Variants in ZNF704 observed in about 807,000 individuals in gnomAD.
ZNF704 encodes glucocorticoid induced gene 1.
Under a neutral mutation model 44.7 loss-of-function variants are expected in ZNF704, and 10 were observed. The observed-to-expected ratio is 0.22, with a 90% CI of 0.14 to 0.38. ZNF704 has a LOEUF of 0.38. ZNF704 is among the 10% of genes least tolerant of loss of function. The pLI is 1.00. For synonymous variants in ZNF704, 211 were observed against 207.6 expected, an observed-to-expected ratio of 1.02 and a Z score of -0.14; for missense variants, 390 against 545.5, an observed-to-expected ratio of 0.71 and a Z score of 2.84.
chr8:80,666,741 T>C (rs1474818297), intron 5 of ZNF704, among the ~76,000 whole-genome samples: 1 of 150,914 alleles, frequency 6.6e-6, no homozygotes. Context: ...TTTCATGTGT[T>C]TTTTGGCTGC....
chr8:80,727,941 G>A (rs75258853), intron 2 of ZNF704, among the ~76,000 whole-genome samples: 4,331 of 152,212 alleles, frequency 0.028, 198 homozygotes, highest in African/African-American at 0.098. Context: ...GTCACTGATT[G>A]CTGCACTTAC....
chr8:80,769,167 GCA>G (rs1263060075), intron 2 of ZNF704, among the ~76,000 whole-genome samples: 1 of 152,144 alleles, frequency 6.6e-6, no homozygotes, highest in East Asian at 1.9e-4. Flanking sequence ...TAGGAAAACT[GCA>G]CTAGTTCTTG....
chr8:80,813,148 C>T (rs1432373354), intron 2 of ZNF704, among the ~76,000 whole-genome samples: 2 of 152,152 alleles, frequency 1.3e-5, no homozygotes, highest in African/African-American at 2.4e-5. Context: ...ACAGTGCTAC[C>T]GGTCCACCTG....
intron 2 of ZNF704, among the ~76,000 whole-genome samples, chr8:80,752,807 C>T (rs537708656): frequency 1.3e-5 from 2 of 152,304 alleles, no homozygotes; most frequent in South Asian, 4.2e-4. Flanking sequence ...TCCCAAAGTG[C>T]TGGGATTACA....
chr8:80,745,840 A>G (rs1806834691), intron 2 of ZNF704, among the ~76,000 whole-genome samples: 1 of 152,186 alleles, frequency 6.6e-6, no homozygotes, highest in Non-Finnish European at 1.5e-5. Flanking sequence ...AGAACCAAGC[A>G]GACTCTAAAG....
intron 2 of ZNF704, among the ~76,000 whole-genome samples, chr8:80,709,165 C>G (rs1280986998): frequency 6.6e-6 from 1 of 151,984 alleles, no homozygotes; most frequent in Non-Finnish European, 1.5e-5. Context: ...AAAGTTCAGG[C>G]CAGGTGTGGA....
intron 2 of ZNF704, among the ~76,000 whole-genome samples, chr8:80,744,592 C>G (rs1482256563): frequency 6.6e-6 from 1 of 152,190 alleles, no homozygotes; most frequent in African/African-American, 2.4e-5. Context: ...TTGTCATAAT[C>G]TAATCTGGCT....
chr8:80,658,018 C>T (rs1184521362), intron 7 of ZNF704, among the ~76,000 whole-genome samples: 3 of 152,078 alleles, frequency 2.0e-5, no homozygotes, highest in Non-Finnish European at 4.4e-5. Context: ...GTGTGTAAGA[C>T]ACATAAGAAC....
chr8:80,781,639 C>T (rs1269958981), intron 2 of ZNF704, among the ~76,000 whole-genome samples: 2 of 152,118 alleles, frequency 1.3e-5, no homozygotes, highest in Non-Finnish European at 2.9e-5. Context: ...ACGAACCAGC[C>T]GGAGAGAAAG....
chr8:80,641,361 G>C lies in ZNF704; in HGVS notation c.*5C>G, dbSNP rs1563500610. ...GGGCCCTGAGCCCCTCTGCCTGGGG[G>C]TCTCTCAGTCGAGGAACCTCTGGCA... On this transcript the variant is annotated 3_prime_UTR_variant, in exon 9 of 9. Coordinates refer to ENST00000327835, the MANE Select transcript of ZNF704 (RefSeq NM_001033723.3). The C allele has an allele frequency of 5.0e-6, 8 of 1,606,410 alleles. 1 individual carries two copies. The Admixed American group carries it at 5.0e-5, about 10-fold the overall frequency.
At chr8:80,720,069 C>T (rs1207665355) in intron 2 of ZNF704, among the ~76,000 whole-genome samples, 1 of 152,196 alleles carries the variant, frequency 6.6e-6, no homozygotes, top group East Asian at 1.9e-4. Context: ...GATTTAAATT[C>T]GAGTCTGTCT....
chr8:80,722,307 T>C (rs1806385120), intron 2 of ZNF704, among the ~76,000 whole-genome samples: 1 of 152,224 alleles, frequency 6.6e-6, no homozygotes, highest in Non-Finnish European at 1.5e-5. Flanking sequence ...TTTGTTTCTC[T>C]TATTAGCTAC....
intron 2 of ZNF704, among the ~76,000 whole-genome samples, chr8:80,747,293 C>T (rs146816166): frequency 6.6e-6 from 1 of 152,018 alleles, no homozygotes; most frequent in Non-Finnish European, 1.5e-5. Context: ...TGGTACCCAC[C>T]AAACATTTAA....
intron 6 of ZNF704, among the ~76,000 whole-genome samples, chr8:80,660,251 C>G (rs1306998195): frequency 6.6e-6 from 1 of 151,972 alleles, no homozygotes; most frequent in South Asian, 2.1e-4. Flanking sequence ...GCAGGAGGAT[C>G]GCTTGAGCCC....
intron 2 of ZNF704, among the ~76,000 whole-genome samples, chr8:80,730,768 T>C (rs1806568031): frequency 6.6e-6 from 1 of 152,164 alleles, no homozygotes. Flanking sequence ...TGGTGGTTTA[T>C]ACCAGGGAGA....
At chr8:80,727,606 G>T (rs900242124) in intron 2 of ZNF704, among the ~76,000 whole-genome samples, 1 of 152,098 alleles carries the variant, frequency 6.6e-6, no homozygotes, top group Non-Finnish European at 1.5e-5. Context: ...GATGGAGCGG[G>T]TAACGAGGGA....
At chr8:80,782,382 G>A (rs553872633) in intron 2 of ZNF704, among the ~76,000 whole-genome samples, 12 of 152,292 alleles carry the variant, frequency 7.9e-5, no homozygotes, top group Non-Finnish European at 8.8e-5. Context: ...AAGCAGCTGC[G>A]TGATGCAGCA....
At position 80,784,773 on chromosome 8, in the gene ZNF704, T is replaced by C. The variant is rs574045395; in HGVS notation, c.221+36601A>G. Among the ~76,000 whole-genome samples, 10 of 152,350 alleles carry C rather than the reference T, an allele frequency of 6.6e-5. No individual in the cohort carries two copies. In the South Asian group the frequency reaches 2.1e-3, roughly 32 times the overall value. On this transcript the variant is annotated intron_variant, in intron 2 of 8. Coordinates refer to ENST00000327835, the MANE Select transcript of ZNF704 (RefSeq NM_001033723.3). ...AAGTACAGCTTATTAACTGCCTCTTTCATGGAGTTTGTCTTTGCTGTTGTT... is the reference window on the plus strand; with the variant it reads ...AAGTACAGCTTATTAACTGCCTCTTCCATGGAGTTTGTCTTTGCTGTTGTT...
rs1327688495 is a variant in ZNF704, at chr8:80,874,297, G to T, written c.-22+274C>A. ...GCGGCGGCCGCGGGCGGGGGTGGGT[G>T]TGAGCGAGCGGCGCGCTGCCGCCTC... On this transcript the variant is annotated intron_variant, in intron 1 of 8. Transcript: ENST00000327835. The surrounding 1 kb of genome is among the most constrained non-coding windows in gnomAD (Gnocchi z 4.4). 6.9e-6 allele frequency among the ~76,000 whole-genome samples: 1 copy of T among 144,862 alleles called. No individual in the cohort carries two copies. The highest frequency in any genetic ancestry group is 1.5e-5 in the Non-Finnish European group (1 of 65,328).
Sources: allele counts gnomAD v4.1 joint callset (sites outside exome capture counted in the v4.1 genomes callset), GRCh38; gene constraint gnomAD v4.1.1; non-coding constraint Gnocchi (gnomAD v3.1); transcripts MANE v1.5; gene names NCBI Gene and HGNC (gene_info 2026-07-23, HGNC 2026-07-21).